LDHAL6A: variants seen among roughly 807,000 people sequenced by gnomAD.
LDHAL6A encodes L-lactate dehydrogenase A-like 6A.
A neutral mutation model predicts 28.2 loss-of-function variants in LDHAL6A; 19 were observed. That is an observed-to-expected ratio of 0.67 (90% confidence interval 0.47 to 0.99). LDHAL6A has a LOEUF of 0.99. Ranked by LOEUF, LDHAL6A falls within the 50% of genes least tolerant of loss-of-function variation. LDHAL6A has a pLI of 0.00. For synonymous variants in LDHAL6A, 144 were observed against 134.4 expected (o/e 1.07, Z -0.49); for missense variants, 372 against 398.6 (o/e 0.93, Z 0.57).
intron 2 of LDHAL6A, among the ~76,000 whole-genome samples, chr11:18,464,997 G>GTTTTTTT (rs1297634223): frequency 8.1e-6 from 1 of 122,880 alleles, no homozygotes; most frequent in Non-Finnish European, 1.7e-5. Flanking sequence ...GTTTTGTTTT[G>GTTTTTTT]TTTTGGTTTG....
intron 1 of LDHAL6A, among the ~76,000 whole-genome samples, chr11:18,462,625 A>G (rs1320799507): frequency 7.1e-6 from 1 of 141,188 alleles, no homozygotes; most frequent in Admixed American, 7.4e-5. Context: ...CAACAGAGCA[A>G]GACTCTGTCT....
chr11:18,476,775 T>C (rs1849393887), intron 5 of LDHAL6A: 1 of 190,752 alleles, frequency 5.2e-6, no homozygotes, highest in African/African-American at 2.4e-5. Context: ...ACACTTGCTA[T>C]ATAGTGTTTA....
In LDHAL6A at chr11:18,456,594, C is replaced by T. The variant is rs529164441; in HGVS notation, c.-87C>T. On this transcript the variant is annotated 5_prime_UTR_variant, in exon 1 of 7. Transcript: ENST00000280706. Reference sequence around the variant, plus strand: ...CCCAGGAGTTCTCTATACGCGCTCTCACCGCAGGTCTTGGAATTCCAAGCC... The same window carrying T: ...CCCAGGAGTTCTCTATACGCGCTCTTACCGCAGGTCTTGGAATTCCAAGCC... 6 of 1,274,766 alleles carry T rather than the reference C, an allele frequency of 4.7e-6. No individual in the cohort carries two copies. The Middle Eastern group carries it at 5.6e-4, about 119-fold the overall frequency. The allele number at this position is 1,274,766 out of a possible 1,614,324, so 79.0% of individuals were successfully genotyped here. A position where few individuals can be genotyped will look rare whatever the true frequency, so the allele number is the denominator to read the frequency against.
At chr11:18,464,977 G>GTTTGTTTTTTTTTTTTTTTTTTTTTTTTT (rs1849013732) in intron 2 of LDHAL6A, among the ~76,000 whole-genome samples, 1 of 125,490 alleles carries the variant, frequency 8.0e-6, no homozygotes, top group African/African-American at 3.4e-5. Context: ...TGTTTTTTTT[G>GTTTGTTTTTTTTTTTTTTTTTTTTTTTTT]TTTTTTTTTG....
intron 2 of LDHAL6A, among the ~76,000 whole-genome samples, chr11:18,464,580 T>C (rs1849000320): frequency 6.6e-6 from 1 of 152,082 alleles, no homozygotes; most frequent in African/African-American, 2.4e-5. Flanking sequence ...CCGGGCGTGG[T>C]GGTGCATGCC....
Position 18,475,451 on chromosome 11 carries a change from A to C in LDHAL6A, c.419-15A>C. On this transcript the variant is annotated splice_polypyrimidine_tract_variant and intron_variant, in intron 3 of 6. Transcript: ENST00000280706. ...TAGATGAGGACATTTCTTGATATGA[A>C]CTTTTTCTTCTTAGTGGATATCTTA... 6.3e-7 allele frequency: 1 copy of C among 1,598,912 alleles called. No individual in the cohort carries two copies. The highest frequency in any genetic ancestry group is 1.3e-5 in the African/African-American group (1 of 74,426).
Position 18,478,747 on chromosome 11 carries a change from ATGTATCC to A in LDHAL6A, c.879_885del (p.Cys293TrpfsTer10). On this transcript the variant is annotated frameshift_variant, in exon 7 of 7. Coordinates refer to ENST00000280706, the MANE Select transcript of LDHAL6A (RefSeq NM_144972.5). LOFTEE classifies it low-confidence loss of function (END_TRUNC). ...ATGAAGACATATTCCTTAGTGTCCC[ATGTATCC>A]TGGGAGAGAATGGTATCACAGACCT... 6.2e-7 allele frequency: 1 copy of A among 1,613,048 alleles called. No homozygotes were observed. Among genetic ancestry groups the A allele is most frequent in the Non-Finnish European group, 8.5e-7 (1 of 1,179,168 alleles).
chr11:18,461,527 T>C (rs927969914), intron 1 of LDHAL6A, among the ~76,000 whole-genome samples: 3 of 152,134 alleles, frequency 2.0e-5, no homozygotes, highest in South Asian at 4.1e-4. Flanking sequence ...ATAAAAAGAA[T>C]ATGTAGTTAA....
intron 1 of LDHAL6A, among the ~76,000 whole-genome samples, chr11:18,462,463 C>T (rs1333837153): frequency 6.6e-6 from 1 of 151,670 alleles, no homozygotes; most frequent in Non-Finnish European, 1.5e-5. Flanking sequence ...CGGTGAAACC[C>T]CGTCTCTACT....
intron 3 of LDHAL6A, among the ~76,000 whole-genome samples, chr11:18,469,665 A>G (rs1323488006): frequency 6.6e-6 from 1 of 152,204 alleles, no homozygotes; most frequent in Non-Finnish European, 1.5e-5. Context: ...ACTATCAAAT[A>G]TATCTTCCAT....
At chr11:18,474,678 C>A (rs1347573626) in intron 3 of LDHAL6A, among the ~76,000 whole-genome samples, 1 of 152,136 alleles carries the variant, frequency 6.6e-6, no homozygotes. Context: ...TGAGCCACTG[C>A]ACCTGGCCTC....
Position 18,478,913 on chromosome 11 carries a change from G to A in LDHAL6A, c.*43G>A. ...TCTGTAGATTGAAGATGAAATAGTA[G>A]TTATGGAATTGTATATGTCAAACTT... On this transcript the variant is annotated 3_prime_UTR_variant, in exon 7 of 7. Coordinates refer to ENST00000280706, the MANE Select transcript of LDHAL6A (RefSeq NM_144972.5). 1 of 1,492,352 alleles carries A rather than the reference G, an allele frequency of 6.7e-7. No homozygotes were observed. The highest frequency in any genetic ancestry group is 9.2e-7 in the Non-Finnish European group (1 of 1,092,440). 92.4% of individuals were successfully genotyped at this position (1,492,352 alleles called of 1,614,324 possible). A position where few individuals can be genotyped will look rare whatever the true frequency, so the allele number is the denominator to read the frequency against.
chr11:18,464,442 T>C (rs904723898), intron 2 of LDHAL6A, among the ~76,000 whole-genome samples: 79 of 152,280 alleles, frequency 5.2e-4, no homozygotes, highest in African/African-American at 1.6e-3. Context: ...GGACCAGGCA[T>C]GGTGGCTCAT....
chr11:18,465,520 A>G, intron 2 of LDHAL6A, 117 bp from the exon 3 acceptor site: 1 of 724,606 alleles, frequency 1.4e-6, no homozygotes, highest in Non-Finnish European at 2.2e-6. Context: ...ATACTAGAAG[A>G]TTTAAGGGAA....
At position 18,479,290 on chromosome 11, in the gene LDHAL6A, T is replaced by A. The variant is rs1446502900; in HGVS notation, c.*420T>A. 1 of 152,780 alleles carries A rather than the reference T, an allele frequency of 6.5e-6. No homozygotes were observed. The highest frequency in any genetic ancestry group is 1.5e-5 in the Non-Finnish European group (1 of 68,578). 9.5% of individuals were successfully genotyped at this position (152,780 alleles called of 1,614,324 possible). On this transcript the variant is annotated 3_prime_UTR_variant, in exon 7 of 7. Transcript: ENST00000280706. ...CACTGTGCCTGGCCTTAGCTTTGATTTAGTATCCAGATGATAGATGACACT... is the reference window on the plus strand; with the variant it reads ...CACTGTGCCTGGCCTTAGCTTTGATATAGTATCCAGATGATAGATGACACT...
rs1445206660 is a variant in LDHAL6A, at chr11:18,462,524, C to T, written c.127-1437C>T. ...TGGTGGCGGGCGCCTGTAGTCCCAG[C>T]TACTCGGGAGGCTGAGGCAGGAGAA... On this transcript the variant is annotated intron_variant, in intron 1 of 6. Transcript: ENST00000280706. Among the ~76,000 whole-genome samples the T allele has an allele frequency of 4.9e-4, 74 of 151,946 alleles. 1 individual carries two copies. The highest frequency in any genetic ancestry group is 1.6e-3 in the African/African-American group (68 of 41,398).
intron 3 of LDHAL6A, among the ~76,000 whole-genome samples, chr11:18,473,876 C>T (rs1225621867): frequency 6.6e-6 from 1 of 152,136 alleles, no homozygotes; most frequent in Non-Finnish European, 1.5e-5. Context: ...TTGATAGATA[C>T]CTTTTTAAGA....
intron 1 of LDHAL6A, among the ~76,000 whole-genome samples, chr11:18,459,822 T>C (rs2133861050): frequency 6.6e-6 from 1 of 152,318 alleles, no homozygotes; most frequent in South Asian, 2.1e-4. Flanking sequence ...TAGATTTTTC[T>C]TGTTTTTGAT....
intron 3 of LDHAL6A, among the ~76,000 whole-genome samples, chr11:18,473,442 C>G (rs1849296147): frequency 6.6e-6 from 1 of 152,182 alleles, no homozygotes; most frequent in African/African-American, 2.4e-5. Flanking sequence ...TGCTTTGTTA[C>G]CTATGCTGAA....
Sources: gnomAD v4.1 joint callset for allele counts (sites outside exome capture counted in the v4.1 genomes callset) on GRCh38, gnomAD v4.1.1 for gene constraint, MANE v1.5 for transcripts, NCBI Gene and HGNC (gene_info 2026-07-23, HGNC 2026-07-21) for gene names.